The following LRRC4C variants were observed in gnomAD, a reference collection of about 807,000 sequenced individuals.
The protein encoded by LRRC4C is leucine-rich repeat-containing protein 4C.
In LRRC4C, 5 loss-of-function variants were observed where a neutral mutation model predicts 33.6. That is an observed-to-expected ratio of 0.15 (90% CI 0.08 to 0.31). The LOEUF (loss-of-function observed/expected upper bound fraction) is 0.31, where lower values mean the gene tolerates loss of function less well. Ranked by LOEUF, LRRC4C falls within the 10% of genes least tolerant of loss-of-function variation. The pLI is 1.00. For synonymous variants in LRRC4C, 329 were observed against 302.0 expected (o/e 1.09, Z -0.93); for missense variants, 560 against 796.7 (o/e 0.70, Z 3.58).
intron 1 of LRRC4C, among the ~76,000 whole-genome samples, chr11:41,103,570 T>C (rs1941324849): frequency 3.3e-5 from 5 of 151,610 alleles, no homozygotes; most frequent in Admixed American, 3.3e-4. Context: ...CAGACTTTCC[T>C]CACTAAAGAG....
chr11:40,937,799 G>A (rs1253298553), intron 1 of LRRC4C, among the ~76,000 whole-genome samples: 3 of 151,898 alleles, frequency 2.0e-5, no homozygotes, highest in African/African-American at 4.8e-5. Context: ...ATGCCACCAT[G>A]CCCAGCTTTT....
chr11:40,650,766 C>T (rs1942746808), intron 2 of LRRC4C, among the ~76,000 whole-genome samples: 2 of 152,158 alleles, frequency 1.3e-5, no homozygotes, highest in Admixed American at 1.3e-4. Flanking sequence ...ATTTAACACT[C>T]TCTTATATTA....
chr11:41,096,640 A>C lies in LRRC4C; in HGVS notation c.-495-162917T>G, dbSNP rs538342070. Among the ~76,000 whole-genome samples, 4 of 152,318 alleles carry C rather than the reference A, an allele frequency of 2.6e-5. No homozygotes were observed. In the East Asian group the frequency reaches 7.7e-4, roughly 29 times the overall value. Reference sequence around the variant, plus strand: ...AGGGAGTAAGAAAGGGAAACAGAAGATAAAGGAGGGAGAAAGAAGAGAGGC... The same window carrying C: ...AGGGAGTAAGAAAGGGAAACAGAAGCTAAAGGAGGGAGAAAGAAGAGAGGC... On this transcript the variant is annotated intron_variant, in intron 1 of 6. Transcript: ENST00000528697.
At chr11:40,908,027 CA>C (rs1166784772) in intron 2 of LRRC4C, among the ~76,000 whole-genome samples, 1 of 152,142 alleles carries the variant, frequency 6.6e-6, no homozygotes, top group Non-Finnish European at 1.5e-5. Flanking sequence ...ATCAGACACA[CA>C]ACTTCAGTTT....
intron 5 of LRRC4C, among the ~76,000 whole-genome samples, chr11:40,170,694 G>A (rs567986091): frequency 6.6e-6 from 1 of 152,310 alleles, no homozygotes; most frequent in African/African-American, 2.4e-5. Flanking sequence ...GGAATCCAAG[G>A]TAGGAGAAAG....
chr11:41,038,157 G>A (rs1228159624), intron 1 of LRRC4C, among the ~76,000 whole-genome samples: 1 of 152,160 alleles, frequency 6.6e-6, no homozygotes, highest in Non-Finnish European at 1.5e-5. Context: ...CTCCTCAGGT[G>A]CGCCTCTGGA....
chr11:41,037,328 T>C (rs1857140803), intron 1 of LRRC4C, among the ~76,000 whole-genome samples: 1 of 151,428 alleles, frequency 6.6e-6, no homozygotes, highest in Non-Finnish European at 1.5e-5. Flanking sequence ...ATTGATCAAA[T>C]TTTCTTATTT....
At chr11:41,118,829 G>A (rs1477386779) in intron 1 of LRRC4C, among the ~76,000 whole-genome samples, 1 of 152,034 alleles carries the variant, frequency 6.6e-6, no homozygotes, top group African/African-American at 2.4e-5. Context: ...CTCATTATAA[G>A]GATCACCATC....
At chr11:40,409,793 T>G (rs886778267) in intron 3 of LRRC4C, among the ~76,000 whole-genome samples, 1 of 152,042 alleles carries the variant, frequency 6.6e-6, no homozygotes, top group African/African-American at 2.4e-5. Context: ...GAATGTAAAT[T>G]AGTATAAGCA....
intron 3 of LRRC4C, among the ~76,000 whole-genome samples, chr11:40,427,696 G>A (rs1590702406): frequency 6.6e-6 from 1 of 152,090 alleles, no homozygotes; most frequent in Non-Finnish European, 1.5e-5. Flanking sequence ...CAGATGTGGT[G>A]GTATATGCCT....
intron 3 of LRRC4C, among the ~76,000 whole-genome samples, chr11:40,466,933 AAT>A (rs1445336453): frequency 2.0e-5 from 3 of 152,160 alleles, no homozygotes; most frequent in African/African-American, 7.2e-5. Flanking sequence ...TTATGAAATG[AAT>A]ATATGATAAT....
At chr11:40,641,019 A>AAAG (rs1942089644) in intron 3 of LRRC4C, among the ~76,000 whole-genome samples, 3 of 60,204 alleles carry the variant, frequency 5.0e-5, no homozygotes, top group African/African-American at 1.8e-4. Flanking sequence ...CCATCTCAAA[A>AAAG]AAAAAAAAAA....
chr11:40,870,066 T>C (rs1954559043), intron 2 of LRRC4C, among the ~76,000 whole-genome samples: 2 of 152,084 alleles, frequency 1.3e-5, no homozygotes, highest in East Asian at 1.9e-4. Context: ...CCAAGAACTA[T>C]ATAATAAAAA....
At chr11:40,558,946 G>T (rs1957437437) in intron 3 of LRRC4C, among the ~76,000 whole-genome samples, 1 of 152,072 alleles carries the variant, frequency 6.6e-6, no homozygotes, top group African/African-American at 2.4e-5. Context: ...TTGTAAGTGA[G>T]AACATGCAGT....
intron 2 of LRRC4C, among the ~76,000 whole-genome samples, chr11:40,834,632 A>C (rs1952579024): frequency 6.6e-6 from 1 of 152,098 alleles, no homozygotes; most frequent in Non-Finnish European, 1.5e-5. Flanking sequence ...TGTCTCATGT[A>C]AATGTCTTTC....
At chr11:41,097,061 T>C (rs949435438) in intron 1 of LRRC4C, among the ~76,000 whole-genome samples, 1 of 152,114 alleles carries the variant, frequency 6.6e-6, no homozygotes, top group Non-Finnish European at 1.5e-5. Context: ...TGCTTCTTTT[T>C]CCTAAGAGAT....
intron 1 of LRRC4C, among the ~76,000 whole-genome samples, chr11:41,177,632 T>C (rs1026607446): frequency 6.6e-6 from 1 of 152,192 alleles, no homozygotes; most frequent in Non-Finnish European, 1.5e-5. Flanking sequence ...GTCAATTCAC[T>C]AATGATATGA....
intron 2 of LRRC4C, among the ~76,000 whole-genome samples, chr11:40,685,296 T>C (rs1242614482): frequency 1.3e-5 from 2 of 152,078 alleles, no homozygotes; most frequent in East Asian, 1.9e-4. Flanking sequence ...ACTTTTTCAC[T>C]GTATGTCATA....
chr11:41,234,029 A>G (rs1253064715), intron 1 of LRRC4C, among the ~76,000 whole-genome samples: 1 of 151,706 alleles, frequency 6.6e-6, no homozygotes, highest in African/African-American at 2.4e-5. Context: ...GCAGATGTGC[A>G]GAAATGCACA....
Sources: gnomAD v4.1 joint callset for allele counts (sites outside exome capture counted in the v4.1 genomes callset) on GRCh38, gnomAD v4.1.1 for gene constraint, MANE v1.5 for transcripts, NCBI Gene and HGNC (gene_info 2026-07-23, HGNC 2026-07-21) for gene names.